Variants in MCCC1 observed in about 807,000 individuals in gnomAD.
The protein encoded by MCCC1 is methylcrotonyl-CoA carboxylase subunit 1.
MCCC1 carries 64 observed loss-of-function variants against 83.8 expected under a neutral mutation model. The ratio of observed to expected loss-of-function variants is 0.76; its 90% confidence interval spans 0.62 to 0.94. The LOEUF (loss-of-function observed/expected upper bound fraction) is 0.94, where lower values mean the gene tolerates loss of function less well. MCCC1 is among the 40% of genes least tolerant of loss of function. The pLI is 0.00. For synonymous variants in MCCC1, 322 were observed against 315.4 expected (o/e 1.02, Z -0.22); for missense variants, 807 against 904.7 (o/e 0.89, Z 1.39).
At chr3:183,069,554 A>G (rs1716503635) in intron 7 of MCCC1, among the ~76,000 whole-genome samples, 1 of 152,160 alleles carries the variant, frequency 6.6e-6, no homozygotes. Context: ...AGGGCCTGAA[A>G]CAAAAAACAA....
upstream of MCCC1, chr3:183,099,661 G>A (rs2108578627): frequency 1.6e-6 from 1 of 616,654 alleles, no homozygotes; most frequent in Non-Finnish European, 2.9e-6. Context: ...GTCTGGCCAC[G>A]TGCTCGTGGG....
intron 4 of MCCC1, among the ~76,000 whole-genome samples, chr3:183,074,612 C>T (rs538849533): frequency 6.6e-6 from 1 of 152,210 alleles, no homozygotes; most frequent in South Asian, 2.1e-4. Context: ...ATAGAAAAAC[C>T]CACATCCTAG....
chr3:183,045,631 CTGTCTTCATTCAATGGT>C, intron 9 of MCCC1, 91 bp from the exon 10 acceptor site: 1 of 1,345,814 alleles, frequency 7.4e-7, no homozygotes, highest in South Asian at 1.2e-5. Context: ...AGTTTTACCG[CTGTCTTCATTCAATGGT>C]AACACTTTGC....
intron 15 of MCCC1, among the ~76,000 whole-genome samples, 172 bp downstream of exon 15, chr3:183,025,583 G>A (rs2108446460): frequency 1.3e-5 from 2 of 152,300 alleles, no homozygotes; most frequent in Middle Eastern, 3.4e-3. Context: ...GTTAGAAACT[G>A]TATAGGGGGT....
At chr3:183,039,609 T>C (rs1193934058) in intron 11 of MCCC1, among the ~76,000 whole-genome samples, 1 of 152,204 alleles carries the variant, frequency 6.6e-6, no homozygotes, top group Non-Finnish European at 1.5e-5. Context: ...CTGGCAAAAC[T>C]GATAAACCAA....
intron 8 of MCCC1, among the ~76,000 whole-genome samples, chr3:183,055,812 T>C (rs747586270): frequency 3.9e-5 from 6 of 152,132 alleles, no homozygotes; most frequent in Non-Finnish European, 8.8e-5. Flanking sequence ...AGGTGAGGAT[T>C]GCTTGAGCCC....
chr3:183,048,330 AAGAC>A, intron 9 of MCCC1, among the ~76,000 whole-genome samples: 1 of 152,388 alleles, frequency 6.6e-6, no homozygotes, highest in South Asian at 2.1e-4. Context: ...TACCAATTAA[AAGAC>A]AGAGATTGTT....
intron 12 of MCCC1, among the ~76,000 whole-genome samples, chr3:183,038,717 A>G (rs1713822235): frequency 6.6e-6 from 1 of 152,194 alleles, no homozygotes. Context: ...AGCTCTTAGG[A>G]AAAATAAAAA....
At chr3:183,085,561 G>A (rs1279732569) in intron 4 of MCCC1, among the ~76,000 whole-genome samples, 2 of 148,192 alleles carry the variant, frequency 1.3e-5, no homozygotes, top group Non-Finnish European at 3.0e-5. Flanking sequence ...CCTGGGTGTT[G>A]GAAGCTGCAG....
intron 4 of MCCC1, among the ~76,000 whole-genome samples, chr3:183,086,422 GGATAGAA>G (rs1261373704): frequency 6.6e-6 from 1 of 152,146 alleles, no homozygotes; most frequent in African/African-American, 2.4e-5. Context: ...GTAGTTTTGA[GGATAGAA>G]GAGCTGAATT....
rs201518899 is a variant in MCCC1 at position 183,080,132 on chromosome 3, T to C, written c.369+6561A>G. On this transcript the variant is annotated intron_variant, in intron 4 of 18. Transcript: ENST00000265594. ...GACATTTTCCCCATTGTCTTGGGGA[T>C]TAACGTTGGGCTCCTTGTTACTTAT... 1.1e-4 allele frequency among the ~76,000 whole-genome samples: 16 copies of C among 152,312 alleles called. No individual in the cohort carries two copies. The East Asian group carries it at 3.1e-3, about 29-fold the overall frequency.
chr3:183,099,993 T>C (rs1461528005), upstream of MCCC1, among the ~76,000 whole-genome samples: 1 of 152,012 alleles, frequency 6.6e-6, no homozygotes, highest in Non-Finnish European at 1.5e-5. Context: ...GAGGAACATC[T>C]AGAGAATAAA....
intron 9 of MCCC1, among the ~76,000 whole-genome samples, chr3:183,049,040 T>G (rs1055740633): frequency 6.6e-6 from 1 of 152,182 alleles, no homozygotes; most frequent in African/African-American, 2.4e-5. Context: ...ATTTAAAATA[T>G]TCTCAACTAA....
At chr3:183,032,325 C>A (rs1186145293) in intron 14 of MCCC1, among the ~76,000 whole-genome samples, 3 of 152,132 alleles carry the variant, frequency 2.0e-5, no homozygotes, top group African/African-American at 4.8e-5. Context: ...TGAAACTTTA[C>A]CGCTTTTGAT....
chr3:183,049,010 T>C (rs1714757961), intron 9 of MCCC1, among the ~76,000 whole-genome samples: 1 of 152,096 alleles, frequency 6.6e-6, no homozygotes, highest in Admixed American at 6.6e-5. Context: ...CCTGAATCAA[T>C]AAAGAAATCT....
chr3:183,115,114 A>G (rs553031600), intron 1 of MCCC1, among the ~76,000 whole-genome samples: 18 of 152,170 alleles, frequency 1.2e-4, no homozygotes, highest in Non-Finnish European at 2.5e-4. Context: ...GGATGCCGGC[A>G]CCCCTCTGAC....
rs1713308658 is a variant in MCCC1 at position 183,034,046 on chromosome 3, T to C, written c.1626A>G (p.Gly542=). ...TGGTATACGAGATATTCAGTCTTCT[T>C]CCACTGCTAGACGAAAATGGAGAGA... is the stretch of plus-strand genomic sequence containing the variant. ...DQFSPFSSSS[G]RRLNISYTRN... The change falls in exon 14 of 19, where the codon GGA becomes GGG. Residue 542 remains glycine (G), a synonymous_variant. Transcript: ENST00000265594. 6.2e-7 allele frequency: 1 copy of C among 1,612,202 alleles called. No individual in the cohort carries two copies. Among genetic ancestry groups the C allele is most frequent in the East Asian group, 2.2e-5 (1 of 44,846 alleles).
chr3:183,046,654 C>T (rs1470189674), intron 9 of MCCC1, among the ~76,000 whole-genome samples: 1 of 152,114 alleles, frequency 6.6e-6, no homozygotes, highest in Non-Finnish European at 1.5e-5. Flanking sequence ...CCTGCCTCAG[C>T]CTCCCAGAGT....
chr3:183,076,656 C>T (rs1717098957), intron 4 of MCCC1, among the ~76,000 whole-genome samples: 1 of 152,184 alleles, frequency 6.6e-6, no homozygotes. Context: ...TCCCTGCCCA[C>T]ATGTTGTACT....
Sources: gnomAD v4.1 joint callset for allele counts (sites outside exome capture counted in the v4.1 genomes callset) on GRCh38, gnomAD v4.1.1 for gene constraint, MANE v1.5 for transcripts, NCBI Gene and HGNC (gene_info 2026-07-23, HGNC 2026-07-21) for gene names.